The following GALNTL5 variants were observed in gnomAD, a reference collection of about 807,000 sequenced individuals.
The protein encoded by GALNTL5 is polypeptide N-acetylgalactosaminyltransferase like 5.
In GALNTL5, 44 loss-of-function variants were observed where a neutral mutation model predicts 51.0. The ratio of observed to expected loss-of-function variants is 0.86; its 90% confidence interval spans 0.68 to 1.11. GALNTL5 has a LOEUF of 1.11. Ranked by LOEUF, GALNTL5 falls within the 50% of genes least tolerant of loss-of-function variation. The probability of loss-of-function intolerance (pLI) is 0.00; values close to 1 mark genes in which losing one functional copy is unlikely to be tolerated. For synonymous variants in GALNTL5, 192 were observed against 182.8 expected, an observed-to-expected ratio of 1.05 and a Z score of -0.41; for missense variants, 528 against 531.8, an observed-to-expected ratio of 0.99 and a Z score of 0.07.
At chr7:151,990,796 A>G (rs1013388961) in intron 5 of GALNTL5, among the ~76,000 whole-genome samples, 1 of 151,752 alleles carries the variant, frequency 6.6e-6, no homozygotes, top group Non-Finnish European at 1.5e-5. Flanking sequence ...TGACTAAGTG[A>G]CTTTGGAGGC....
At chr7:151,992,836 C>T (rs1438499811) in intron 5 of GALNTL5, among the ~76,000 whole-genome samples, 1 of 152,090 alleles carries the variant, frequency 6.6e-6, no homozygotes, top group Non-Finnish European at 1.5e-5. Context: ...CATAGAAATG[C>T]TCCCCTAGAG....
At chr7:152,000,483 G>A (rs1194641827) in intron 5 of GALNTL5, among the ~76,000 whole-genome samples, 5 of 152,166 alleles carry the variant, frequency 3.3e-5, no homozygotes, top group Non-Finnish European at 5.9e-5. Flanking sequence ...CTTCAGGCAA[G>A]AGAGAACTTT....
At chr7:152,000,610 G>C (rs759462168) in intron 5 of GALNTL5, among the ~76,000 whole-genome samples, 1 of 152,000 alleles carries the variant, frequency 6.6e-6, no homozygotes, top group South Asian at 2.1e-4. Flanking sequence ...CATTCTTGCC[G>C]TCCTAGTGGA....
At chr7:152,007,337 C>G (rs1483530431) in intron 6 of GALNTL5, among the ~76,000 whole-genome samples, 1 of 151,548 alleles carries the variant, frequency 6.6e-6, no homozygotes, top group Non-Finnish European at 1.5e-5. Context: ...AAAGTTATTG[C>G]CTACTTTTGT....
At chr7:151,977,955 G>A (rs927595337) in intron 3 of GALNTL5, among the ~76,000 whole-genome samples, 9 of 151,906 alleles carry the variant, frequency 5.9e-5, no homozygotes, top group African/African-American at 1.7e-4. Context: ...TAAGTTTGAT[G>A]TGCATTGTTT....
chr7:152,013,711 A>G (rs890650255), intron 7 of GALNTL5, among the ~76,000 whole-genome samples: 1 of 152,170 alleles, frequency 6.6e-6, no homozygotes, highest in Admixed American at 6.5e-5. Flanking sequence ...ACAACATAAG[A>G]CTTCAAAAAT....
intron 3 of GALNTL5, 125 bp from the exon 4 acceptor site, chr7:151,982,861 C>A (rs947650941): frequency 6.3e-7 from 1 of 1,576,726 alleles, no homozygotes; most frequent in Non-Finnish European, 8.6e-7. Context: ...ACCTTATTAC[C>A]ATAATTATCA....
At chr7:151,967,158 C>A in intron 1 of GALNTL5, 50 bp from the exon 2 acceptor site, 1 of 1,239,664 alleles carries the variant, frequency 8.1e-7, no homozygotes, top group Non-Finnish European at 1.1e-6. Flanking sequence ...AGGTGATCTA[C>A]AAACCATTGG....
rs115069752 is a variant in GALNTL5 at position 151,977,562 on chromosome 7, G to C, written c.369-5424G>C. 8.5e-3 allele frequency among the ~76,000 whole-genome samples: 1,294 copies of C among 151,902 alleles called. 13 individuals are homozygous for C. The highest frequency in any genetic ancestry group is 0.027 in the African/African-American group (1,112 of 41,490). ...ATTGTGATTTATGTTTTTCTTTTTT[G>C]TATTATCTTCATCAGATTTTGATAT... is the stretch of plus-strand genomic sequence containing the variant. On this transcript the variant is annotated intron_variant, in intron 3 of 8. Transcript: ENST00000392800.
intron 5 of GALNTL5, among the ~76,000 whole-genome samples, chr7:151,991,093 T>C: frequency 7.5e-6 from 1 of 134,198 alleles, no homozygotes; most frequent in South Asian, 2.1e-4. Context: ...TTTGTTGTTG[T>C]TGTTGTTTGT....
chr7:151,994,447 C>A (rs1392810309), intron 5 of GALNTL5, among the ~76,000 whole-genome samples: 2 of 152,064 alleles, frequency 1.3e-5, no homozygotes, highest in Non-Finnish European at 2.9e-5. Flanking sequence ...TACAAAGCGA[C>A]GCTGTCTCTC....
intron 3 of GALNTL5, among the ~76,000 whole-genome samples, chr7:151,978,288 T>A (rs554247256): frequency 2.0e-5 from 3 of 152,234 alleles, no homozygotes; most frequent in Non-Finnish European, 4.4e-5. Flanking sequence ...TCCATTTTTT[T>A]AATTGGATTT....
At position 151,974,278 on chromosome 7, in the gene GALNTL5, CAT is replaced by C. The variant is rs1225932257; in HGVS notation, c.368+3217_368+3218del. ...TTTAAGTACCTCATATAAGTGGAAT[CAT>C]ATAGTATTTGTCTTTTTTTGTGACT... On this transcript the variant is annotated intron_variant, in intron 3 of 8. Transcript: ENST00000392800. 1.4e-4 allele frequency among the ~76,000 whole-genome samples: 7 copies of C among 49,840 alleles called. No homozygotes were observed. The East Asian group carries it at 3.6e-3, about 26-fold the overall frequency. The allele number at this position is 49,840 out of a possible 152,430, so 32.7% of individuals were successfully genotyped here.
At position 151,988,095 on chromosome 7, in the gene GALNTL5, G is replaced by T. The variant is rs116000176; in HGVS notation, c.658+814G>T. 2.0e-3 allele frequency among the ~76,000 whole-genome samples: 309 copies of T among 152,350 alleles called. 1 individual carries two copies. The highest frequency in any genetic ancestry group is 7.1e-3 in the African/African-American group (296 of 41,578). ...ATCCGAGCAGCACACTCCCAGGGCT[G>T]CCCCAAGAGCCATTCAGAGGGATCC... On this transcript the variant is annotated intron_variant, in intron 5 of 8. Transcript: ENST00000392800.
chr7:152,010,258 A>G (rs1486897400), intron 7 of GALNTL5, among the ~76,000 whole-genome samples: 1 of 152,000 alleles, frequency 6.6e-6, no homozygotes, highest in Non-Finnish European at 1.5e-5. Context: ...GACTACAGAC[A>G]TGCACCACAA....
intron 2 of GALNTL5, 71 bp downstream of exon 2, chr7:151,967,564 G>A: frequency 7.3e-7 from 1 of 1,376,158 alleles, no homozygotes; most frequent in East Asian, 2.3e-5. Context: ...ATATTTGGAA[G>A]AGTACGAGAC....
intron 5 of GALNTL5, among the ~76,000 whole-genome samples, chr7:151,987,677 C>A (rs550602700): frequency 2.8e-4 from 43 of 152,044 alleles, no homozygotes; most frequent in African/African-American, 9.4e-4. Flanking sequence ...AAGCCAGGAC[C>A]CCACAATGAA....
At chr7:152,002,592 G>A in intron 5 of GALNTL5, 122 bp from the exon 6 acceptor site, 3 of 946,988 alleles carry the variant, frequency 3.2e-6, no homozygotes, top group Admixed American at 5.5e-5. Context: ...GAAAATGAAA[G>A]CACTGTAAGA....
intron 7 of GALNTL5, among the ~76,000 whole-genome samples, chr7:152,008,648 T>C (rs1233475489): frequency 6.6e-6 from 1 of 152,134 alleles, no homozygotes; most frequent in Non-Finnish European, 1.5e-5. Flanking sequence ...GATACTTGAT[T>C]ATGCATATAA....
Sources: allele counts gnomAD v4.1 joint callset (sites outside exome capture counted in the v4.1 genomes callset), GRCh38; gene constraint gnomAD v4.1.1; transcripts MANE v1.5; gene names NCBI Gene and HGNC (gene_info 2026-07-23, HGNC 2026-07-21).